The following COL6A6 variants were observed in gnomAD, a reference collection of about 807,000 sequenced individuals.
COL6A6 encodes collagen type VI alpha 6 chain.
Under a neutral mutation model 208.6 loss-of-function variants are expected in COL6A6, and 183 were observed. That is an observed-to-expected ratio of 0.88 (90% CI 0.78 to 0.99). The LOEUF is 0.99. Ranked by LOEUF, COL6A6 falls within the 50% of genes least tolerant of loss-of-function variation. COL6A6 has a pLI of 0.00. For synonymous variants in COL6A6, 973 were observed against 1,011.8 expected (o/e 0.96, Z 0.73); for missense variants, 2,816 against 2,815.2 (o/e 1.00, Z -0.01).
intron 10 of COL6A6, among the ~76,000 whole-genome samples, chr3:130,583,487 A>G (rs1354849936): frequency 6.6e-6 from 1 of 152,224 alleles, no homozygotes; most frequent in African/African-American, 2.4e-5. Flanking sequence ...GTGCTTTGGA[A>G]TATCCAGAAT....
In COL6A6 at chr3:130,560,794, G is replaced by T. The variant is rs139229148; in HGVS notation, c.64+366G>T. The stretch of plus-strand genomic sequence containing the variant: ...AAAGGGTATCTTGGTTTAGTGTCCA[G>T]ATTTGCTCCAGATTAAATTATTTGG... On this transcript the variant is annotated intron_variant, in intron 2 of 36. Coordinates refer to ENST00000358511, the MANE Select transcript of COL6A6 (RefSeq NM_001102608.3). Among the ~76,000 whole-genome samples the T allele has an allele frequency of 2.0e-3, 311 of 152,328 alleles. 1 individual carries two copies. The highest frequency in any genetic ancestry group is 3.9e-3 in the Non-Finnish European group (266 of 68,030).
chr3:130,534,204 GC>G (rs564050315), intron 1 of COL6A6, among the ~76,000 whole-genome samples: 1 of 149,300 alleles, frequency 6.7e-6, no homozygotes, highest in Non-Finnish European at 1.5e-5. Context: ...ACTCATTTTG[GC>G]CAGTCTAATA....
At position 130,563,233 on chromosome 3, in the gene COL6A6, G is replaced by A; in HGVS notation, c.230G>A (p.Ser77Asn). ...GCCCAGTACAGTGATAAACTTCACA[G>A]TGAATTCCACCTGAGCACCTTCAAA... ...ALAQYSDKLH[S>N]EFHLSTFKGR... is the part of the protein sequence containing the mutation. Residue 77 changes from serine (S) to asparagine (N), a missense_variant, in exon 3 of 37, where the codon AGT becomes AAT. Physicochemically the swap from Ser to Asn is conservative, Grantham distance 46. Coordinates refer to ENST00000358511, the MANE Select transcript of COL6A6 (RefSeq NM_001102608.3). 6.2e-7 allele frequency: 1 copy of A among 1,614,012 alleles called. No homozygotes were observed. The highest frequency in any genetic ancestry group is 8.5e-7 in the Non-Finnish European group (1 of 1,179,872).
chr3:130,530,251 G>A (rs1346167994), intron 1 of COL6A6, among the ~76,000 whole-genome samples: 1 of 152,040 alleles, frequency 6.6e-6, no homozygotes. Context: ...TCTATCAAAT[G>A]GAGTTGATAA....
chr3:130,534,821 G>A (rs557305996), intron 1 of COL6A6, among the ~76,000 whole-genome samples: 32 of 151,918 alleles, frequency 2.1e-4, no homozygotes, highest in African/African-American at 7.2e-4. Context: ...GGGTTTAATC[G>A]TAGTGTTTCA....
chr3:130,584,791 T>G lies in COL6A6; in HGVS notation c.3971-1715T>G, dbSNP rs561395715. 2.6e-5 allele frequency among the ~76,000 whole-genome samples: 4 copies of G among 152,016 alleles called. No homozygotes were observed. The East Asian group carries it at 7.8e-4, about 30-fold the overall frequency. ...CACCACACCCGGCTAATTTTTTGTA[T>G]TTTCAGTAGAGATGGGGTTTCACTG... On this transcript the variant is annotated intron_variant, in intron 10 of 36. Transcript: ENST00000358511.
chr3:130,627,929 A>G (rs1265782194), intron 26 of COL6A6, among the ~76,000 whole-genome samples: 1 of 152,228 alleles, frequency 6.6e-6, no homozygotes, highest in Non-Finnish European at 1.5e-5. Flanking sequence ...AAAAGATCCC[A>G]CCATAATTAC....
rs1386316805 is a variant in COL6A6, at chr3:130,581,563, TG to T, written c.3551del (p.Cys1184PhefsTer44). ...CATGCTTTTCCTTTGAATCCTAGAC[TG>T]TTTCGTGGATGTTGTGGTGGGATTT... ...NICTTAGESN[C>X]FVDVVVGFDV... On this transcript the variant is annotated frameshift_variant, in exon 9 of 37. Coordinates refer to ENST00000358511, the MANE Select transcript of COL6A6 (RefSeq NM_001102608.3). LOFTEE classifies it high-confidence loss of function. 6.2e-7 allele frequency: 1 copy of T among 1,600,644 alleles called. No homozygotes were observed. Among genetic ancestry groups the T allele is most frequent in the Admixed American group, 1.7e-5 (1 of 59,312 alleles).
At chr3:130,651,786 C>A (rs981200790) in intron 33 of COL6A6, among the ~76,000 whole-genome samples, 1 of 152,184 alleles carries the variant, frequency 6.6e-6, no homozygotes, top group Non-Finnish European at 1.5e-5. Flanking sequence ...AACTTTCTCT[C>A]CTGATGCAAA....
intron 18 of COL6A6, among the ~76,000 whole-genome samples, chr3:130,597,824 T>C (rs184028715): frequency 6.9e-4 from 105 of 152,268 alleles, no homozygotes; most frequent in Non-Finnish European, 9.7e-4. Context: ...GGGTGTAGCA[T>C]ATGGGAGTGC....
chr3:130,622,203 A>ACCCCCC (rs767379161), intron 24 of COL6A6, among the ~76,000 whole-genome samples: 2 of 54,322 alleles, frequency 3.7e-5, no homozygotes, highest in Admixed American at 1.4e-4. Flanking sequence ...CCCCCCGCCT[A>ACCCCCC]CCCCCCCCTT....
At chr3:130,526,357 G>C (rs931620825) in intron 1 of COL6A6, among the ~76,000 whole-genome samples, 8 of 152,100 alleles carry the variant, frequency 5.3e-5, no homozygotes, top group Admixed American at 3.3e-4. Context: ...GGAGTGGAGG[G>C]AATGAGGAGA....
chr3:130,649,041 CTA>C, intron 32 of COL6A6, 26 bp from the exon 33 acceptor site: 1 of 1,422,432 alleles, frequency 7.0e-7, no homozygotes, highest in Non-Finnish European at 9.2e-7. Context: ...AATAAGGATG[CTA>C]TGTGTTAAGG....
At chr3:130,537,035 C>G (rs1039346931) in intron 1 of COL6A6, among the ~76,000 whole-genome samples, 2 of 152,132 alleles carry the variant, frequency 1.3e-5, no homozygotes, top group Non-Finnish European at 2.9e-5. Flanking sequence ...GTTAATTATT[C>G]CTATGTTTCT....
At chr3:130,528,214 G>C (rs2062004880) in intron 1 of COL6A6, among the ~76,000 whole-genome samples, 1 of 152,182 alleles carries the variant, frequency 6.6e-6, no homozygotes, top group Non-Finnish European at 1.5e-5. Context: ...CGAGGACTGA[G>C]CAGGAACAAG....
chr3:130,590,456 CT>C (rs1416115926), intron 12 of COL6A6, among the ~76,000 whole-genome samples: 2 of 122,230 alleles, frequency 1.6e-5, no homozygotes, highest in South Asian at 3.5e-4. Flanking sequence ...TGCTATCCCT[CT>C]CCCTCCCCCC....
intron 1 of COL6A6, among the ~76,000 whole-genome samples, chr3:130,539,371 C>T (rs979050820): frequency 1.3e-5 from 2 of 152,184 alleles, no homozygotes; most frequent in African/African-American, 4.8e-5. Flanking sequence ...CGCGGTGGCT[C>T]ACGCCTGTAA....
At chr3:130,644,482 AT>A (rs1426231823) in intron 31 of COL6A6, among the ~76,000 whole-genome samples, 1 of 152,242 alleles carries the variant, frequency 6.6e-6, no homozygotes, top group Non-Finnish European at 1.5e-5. Flanking sequence ...GCAAGTGTTC[AT>A]TTAATTCAGA....
intron 29 of COL6A6, 75 bp from the exon 30 acceptor site, chr3:130,642,757 G>A: frequency 1.5e-6 from 2 of 1,316,720 alleles, no homozygotes; most frequent in Non-Finnish European, 2.1e-6. Context: ...ACTTTCTGAG[G>A]GCAATGTTGG....
Sources: allele counts gnomAD v4.1 joint callset (sites outside exome capture counted in the v4.1 genomes callset), GRCh38; gene constraint gnomAD v4.1.1; transcripts MANE v1.5; gene names NCBI Gene and HGNC (gene_info 2026-07-23, HGNC 2026-07-21).